Variants in USH2A observed in about 807,000 individuals in gnomAD.
The protein encoded by USH2A is Usher syndrome 2A (autosomal recessive, mild).
USH2A carries 443 observed loss-of-function variants against 538.9 expected under a neutral mutation model. The ratio of observed to expected loss-of-function variants is 0.82; its 90% confidence interval spans 0.76 to 0.89. The LOEUF (loss-of-function observed/expected upper bound fraction) is 0.89. Ranked by LOEUF, USH2A falls within the 40% of genes least tolerant of loss-of-function variation. The pLI is 0.00. For missense variants in USH2A, 6,633 were observed against 6,324.8 expected (o/e 1.05, Z -1.65); for synonymous variants, 2,413 against 2,273.5 (o/e 1.06, Z -1.75).
chr1:215,717,688 G>A (rs1485578945), intron 61 of USH2A, among the ~76,000 whole-genome samples: 1 of 152,174 alleles, frequency 6.6e-6, no homozygotes, highest in Non-Finnish European at 1.5e-5. Flanking sequence ...GAAGAGCCCT[G>A]TATTTCTTGG....
chr1:215,928,449 T>A (rs1456665991), intron 38 of USH2A, among the ~76,000 whole-genome samples: 1 of 152,166 alleles, frequency 6.6e-6, no homozygotes, highest in Admixed American at 6.6e-5. Context: ...AGAAAAATTA[T>A]GTATCTGTAA....
intron 47 of USH2A, among the ~76,000 whole-genome samples, chr1:215,833,832 T>A (rs1242217093): frequency 6.6e-6 from 1 of 151,944 alleles, no homozygotes; most frequent in Non-Finnish European, 1.5e-5. Flanking sequence ...ATTTAAAAAA[T>A]TTTCAAAACT....
chr1:216,256,533 G>A (rs1041934392), intron 11 of USH2A, among the ~76,000 whole-genome samples: 1 of 151,684 alleles, frequency 6.6e-6, no homozygotes, highest in Non-Finnish European at 1.5e-5. Context: ...AACAACATGG[G>A]TTATCACTGC....
intron 21 of USH2A, chr1:216,174,960 T>A (rs762404253): frequency 8.2e-7 from 1 of 1,222,542 alleles, no homozygotes; most frequent in Non-Finnish European, 1.0e-6. Flanking sequence ...TCAAGAAACA[T>A]GTCCTGGCAC....
intron 62 of USH2A, among the ~76,000 whole-genome samples, chr1:215,678,458 G>C (rs1436009322): frequency 6.6e-6 from 1 of 152,084 alleles, no homozygotes; most frequent in Non-Finnish European, 1.5e-5. Flanking sequence ...TGTTCATTTT[G>C]TCTGGAACAT....
At chr1:216,209,802 T>C (rs1323084543) in intron 15 of USH2A, among the ~76,000 whole-genome samples, 3 of 152,214 alleles carry the variant, frequency 2.0e-5, no homozygotes, top group Admixed American at 6.5e-5. Flanking sequence ...TTAAGAGTGA[T>C]ACAGGTGAAG....
intron 14 of USH2A, 29 bp from the exon 15 acceptor site, chr1:216,217,579 G>A (rs1175385006): frequency 1.9e-6 from 3 of 1,610,588 alleles, no homozygotes; most frequent in Admixed American, 3.3e-5. Flanking sequence ...AACCATCAAA[G>A]AGAATAGTGT....
intron 61 of USH2A, among the ~76,000 whole-genome samples, chr1:215,720,154 A>C (rs1659612247): frequency 6.6e-6 from 1 of 151,562 alleles, no homozygotes; most frequent in Non-Finnish European, 1.5e-5. Context: ...TAGACAACCT[A>C]TATGAGAAGA....
rs548572734 is a variant in USH2A at position 215,921,816 on chromosome 1, C to A, written c.7300+12800G>T. Among the ~76,000 whole-genome samples, 59 of 152,130 alleles carry A rather than the reference C, an allele frequency of 3.9e-4. 2 individuals are homozygous for A. In the South Asian group the frequency reaches 0.012, roughly 31 times the overall value. On this transcript the variant is annotated intron_variant, in intron 38 of 71. Coordinates refer to ENST00000307340, the MANE Select transcript of USH2A (RefSeq NM_206933.4). ...TAAATAGGGATAATAATAGCACTTG[C>A]CTTACAGGGTTTGTGAGGAGAATAA... is the stretch of plus-strand genomic sequence containing the variant.
chr1:216,031,176 T>C (rs988566720), intron 32 of USH2A, among the ~76,000 whole-genome samples: 7 of 151,988 alleles, frequency 4.6e-5, no homozygotes, highest in African/African-American at 1.7e-4. Context: ...TCCTACAGTT[T>C]ACTAAATTTC....
At chr1:215,696,179 C>T (rs1319119557) in intron 61 of USH2A, among the ~76,000 whole-genome samples, 2 of 152,140 alleles carry the variant, frequency 1.3e-5, no homozygotes, top group African/African-American at 2.4e-5. Flanking sequence ...TGCATTCTTA[C>T]AATAAAGCAA....
chr1:215,639,016 C>T (rs1656589961), intron 69 of USH2A, 139 bp downstream of exon 69: 2 of 679,792 alleles, frequency 2.9e-6, no homozygotes, highest in East Asian at 6.6e-5. Context: ...AAAAAAAAAA[C>T]TCTGACAACA....
chr1:215,728,747 A>G (rs1659906080), intron 60 of USH2A, among the ~76,000 whole-genome samples: 1 of 152,238 alleles, frequency 6.6e-6, no homozygotes, highest in Non-Finnish European at 1.5e-5. Context: ...GAATAACAAG[A>G]TACATATGCA....
intron 63 of USH2A, among the ~76,000 whole-genome samples, chr1:215,671,989 A>G (rs1433564632): frequency 6.6e-6 from 1 of 152,146 alleles, no homozygotes; most frequent in Non-Finnish European, 1.5e-5. Flanking sequence ...AGTTAACCCA[A>G]CTACACACCA....
In USH2A at chr1:215,878,989, T is replaced by C; in HGVS notation, c.8333A>G (p.Gln2778Arg). Reference protein sequence around the residue: ...LTNVTSAVLSQKVTHLIPFTN... With the variant: ...LTNVTSAVLSRKVTHLIPFTN... ...GAAAGGAATCAGATGAGTAACTTTT[T>C]GACTTAACACTGCGGAAGTCACATT... The change falls in exon 42 of 72, where the codon CAA becomes CGA. Residue 2778 changes from glutamine (Q) to arginine (R), a missense_variant. Coordinates refer to ENST00000307340, the MANE Select transcript of USH2A (RefSeq NM_206933.4). 6.2e-7 allele frequency: 1 copy of C among 1,614,130 alleles called. No homozygotes were observed. The highest frequency in any genetic ancestry group is 8.5e-7 in the Non-Finnish European group (1 of 1,179,974).
intron 10 of USH2A, among the ~76,000 whole-genome samples, chr1:216,291,725 C>G (rs1047464614): frequency 6.6e-6 from 1 of 152,088 alleles, no homozygotes; most frequent in African/African-American, 2.4e-5. Context: ...TTAGTATTTT[C>G]AAAAAGAGTA....
At chr1:216,233,261 A>G (rs1416911387) in intron 13 of USH2A, among the ~76,000 whole-genome samples, 1 of 151,958 alleles carries the variant, frequency 6.6e-6, no homozygotes, top group African/African-American at 2.4e-5. Context: ...TTGAGACCTA[A>G]AGGCCTTTTC....
chr1:216,096,562 CTTTAT>C (rs1336309436), intron 22 of USH2A, among the ~76,000 whole-genome samples: 1 of 152,078 alleles, frequency 6.6e-6, no homozygotes, highest in Non-Finnish European at 1.5e-5. Flanking sequence ...AATCCTAAAT[CTTTAT>C]TTTGATACAA....
chr1:216,198,810 A>G (rs1298963163), intron 17 of USH2A, among the ~76,000 whole-genome samples: 1 of 152,184 alleles, frequency 6.6e-6, no homozygotes, highest in East Asian at 1.9e-4. Flanking sequence ...TGTATAAAAT[A>G]CTATTAAAGG....
Sources: gnomAD v4.1 joint callset for allele counts (sites outside exome capture counted in the v4.1 genomes callset) on GRCh38, gnomAD v4.1.1 for gene constraint, MANE v1.5 for transcripts, NCBI Gene and HGNC (gene_info 2026-07-23, HGNC 2026-07-21) for gene names.